Variants in SI observed in about 807,000 individuals in gnomAD.
SI encodes sucrase-isomaltase, intestinal.
In SI, 235 loss-of-function variants were observed where a neutral mutation model predicts 253.3. The ratio of observed to expected loss-of-function variants is 0.93; its 90% CI spans 0.83 to 1.03. The LOEUF (loss-of-function observed/expected upper bound fraction) is 1.03. Ranked by LOEUF, SI falls within the 50% of genes least tolerant of loss-of-function variation. SI has a pLI of 0.00. For missense variants in SI, 2,442 were observed against 2,211.1 expected, an observed-to-expected ratio of 1.10 and a Z score of -2.09; for synonymous variants, 819 against 712.0, an observed-to-expected ratio of 1.15 and a Z score of -2.39.
intron 37 of SI, among the ~76,000 whole-genome samples, chr3:165,000,292 A>G (rs1354331504): frequency 1.3e-5 from 2 of 151,336 alleles, no homozygotes; most frequent in Non-Finnish European, 1.5e-5. Flanking sequence ...ATAGCTGAAT[A>G]TATGCTTATC....
At chr3:165,060,142 T>C (rs1366269350) in intron 9 of SI, 115 bp from the exon 10 acceptor site, 3 of 913,692 alleles carry the variant, frequency 3.3e-6, no homozygotes, top group African/African-American at 3.4e-5. Flanking sequence ...TTTAAGTTTA[T>C]ATAATTTAAA....
chr3:165,070,302 T>C (rs900761811), intron 3 of SI, among the ~76,000 whole-genome samples: 2 of 144,556 alleles, frequency 1.4e-5, no homozygotes, highest in Admixed American at 7.1e-5. Flanking sequence ...TAATTATATA[T>C]GTATATATAC....
In SI at chr3:165,046,889, T is replaced by C; in HGVS notation, c.1839A>G (p.Glu613=). Residue 613 remains glutamate, a synonymous_variant, in exon 16 of 48, where the codon GAA becomes GAG. Transcript: ENST00000264382. ...ACTCCAGCATTCCAGTTATAGACCA[T>C]TCCATTTGTTCCCATGAAGCAGTAT... The part of the protein sequence containing the change: ...GDNTASWEQM[E]WSITGMLEFS... 6.2e-7 allele frequency: 1 copy of C among 1,613,336 alleles called. No individual in the cohort carries two copies. The highest frequency in any genetic ancestry group is 8.5e-7 in the Non-Finnish European group (1 of 1,179,542).
At chr3:165,013,426 T>C (rs1718864016) in intron 33 of SI, among the ~76,000 whole-genome samples, 1 of 152,088 alleles carries the variant, frequency 6.6e-6, no homozygotes. Flanking sequence ...AAACAATAAA[T>C]CTTTTTGTTT....
intron 15 of SI, 118 bp downstream of exon 15, chr3:165,049,009 A>T: frequency 1.5e-6 from 1 of 687,826 alleles, no homozygotes; most frequent in Non-Finnish European, 2.6e-6. Flanking sequence ...GCAGGCATAA[A>T]ATATTATCTT....
intron 45 of SI, among the ~76,000 whole-genome samples, chr3:164,986,259 T>C (rs1310732479): frequency 2.0e-5 from 3 of 152,148 alleles, no homozygotes; most frequent in African/African-American, 7.2e-5. Context: ...TCTCTAGTGA[T>C]AGAAACTAGA....
At position 165,023,613 on chromosome 3, in the gene SI, C is replaced by G. The variant is rs562524905; in HGVS notation, c.3056G>C (p.Arg1019Pro). Residue 1019 changes from arginine (R) to proline (P), a missense_variant, in exon 26 of 48, where the codon CGT (arginine) becomes CCT (proline). Arg to Pro is a moderately radical substitution (Grantham distance 103, BLOSUM62 -2). Transcript: ENST00000264382. ...ATTTTTGTGATATTTCACCTCCACACGAAGAGTTGAGATGGGGTCAGAAGG... is the reference window on the plus strand; with the variant it reads ...ATTTTTGTGATATTTCACCTCCACAGGAAGAGTTGAGATGGGGTCAGAAGG... ...KLPSDPISTL[R>P]VEVKYHKNDM... The G allele has an allele frequency of 1.2e-6, 2 of 1,610,694 alleles. No homozygotes were observed. Among genetic ancestry groups the G allele is most frequent in the Admixed American group, 3.4e-5 (2 of 59,644 alleles).
chr3:165,052,204 A>G, intron 13 of SI, among the ~76,000 whole-genome samples: 1 of 152,126 alleles, frequency 6.6e-6, no homozygotes, highest in East Asian at 1.9e-4. Context: ...AAGCATTTTA[A>G]TTCTCTAATT....
rs142018224 is a variant in SI at position 164,991,462 on chromosome 3, C to T, written c.4999G>A (p.Val1667Ile). 1.3e-4 allele frequency: 210 copies of T among 1,613,350 alleles called. 2 individuals are homozygous for T. The East Asian group carries it at 3.4e-3, about 26-fold the overall frequency. The change falls in exon 44 of 48, where the codon GTC becomes ATC. Residue 1667 changes from valine to isoleucine, a missense_variant. Transcript: ENST00000264382. ...TTAAATGTTTGAAATTGTCCTCTGA[C>T]GCCAATATCTTTGCCCTGGAAATGA... ...FDYHTGKDIG[V>I]RGQFQTFNAS...
chr3:165,032,744 G>T, intron 23 of SI, 52 bp from the exon 24 acceptor site: 1 of 1,234,444 alleles, frequency 8.1e-7, no homozygotes. Context: ...ATACAAACCT[G>T]AAATAACAAT....
At chr3:165,065,068 A>T (rs989530935) in intron 7 of SI, among the ~76,000 whole-genome samples, 193 bp downstream of exon 7, 20 of 152,002 alleles carry the variant, frequency 1.3e-4, no homozygotes, top group Non-Finnish European at 2.4e-4. Flanking sequence ...CCTTTACAAA[A>T]TCTGTTGGTC....
rs187532711 is a variant in SI, at chr3:164,983,004, G to T, written c.5245C>A (p.Gln1749Lys). 156 of 1,551,156 alleles carry T rather than the reference G, an allele frequency of 1.0e-4. 1 individual carries two copies. In the Admixed American group the frequency reaches 2.7e-3, roughly 27 times the overall value. The change falls in exon 46 of 48, where the codon CAG becomes AAG. Residue 1749 changes from glutamine (Q) to lysine (K), a missense_variant and splice_region_variant. Gln to Lys is a moderately conservative substitution (Grantham distance 53, BLOSUM62 1). Transcript: ENST00000264382. ...TGCATATAAATAATCTTACATACCTGGTTTAAATTAAATTGTACAGATAAA... is the reference window on the plus strand; with the variant it reads ...TGCATATAAATAATCTTACATACCTTGTTTAAATTAAATTGTACAGATAAA... Reference protein sequence around the residue: ...LYLSVQFNLNQTTLTSTILKR... With the variant: ...LYLSVQFNLNKTTLTSTILKR...
rs767865368 is a variant in SI, at chr3:165,012,967, G to GTAA, written c.4062+12_4062+13insTTA. 6.5e-7 allele frequency: 1 copy of GTAA among 1,531,582 alleles called. No homozygotes were observed. The highest frequency in any genetic ancestry group is 1.1e-5 in the South Asian group (1 of 89,314). 94.9% of individuals were successfully genotyped at this position (1,531,582 alleles called of 1,614,324 possible). A position where few individuals can be genotyped will look rare whatever the true frequency, so the allele number is the denominator to read the frequency against. ...TTTCTTCTCATTGTATAGTTAGCCC[G>GTAA]TGTAAAACTTACATTAACAGCTTCA... On this transcript the variant is annotated intron_variant, in intron 34 of 47. Transcript: ENST00000264382.
chr3:165,058,236 A>C (rs1440261007), intron 12 of SI, among the ~76,000 whole-genome samples: 1 of 152,086 alleles, frequency 6.6e-6, no homozygotes, highest in Non-Finnish European at 1.5e-5. Flanking sequence ...TGTTTTTAAA[A>C]CAAATGATAA....
At chr3:164,983,664 A>C (rs1426128830) in intron 45 of SI, among the ~76,000 whole-genome samples, 1 of 152,066 alleles carries the variant, frequency 6.6e-6, no homozygotes, top group Non-Finnish European at 1.5e-5. Context: ...ATCATGGCTC[A>C]CTACAGCCTG....
chr3:165,032,679 A>T lies in SI; in HGVS notation c.2579T>A (p.Ile860Asn). 2 of 1,597,264 alleles carry T rather than the reference A, an allele frequency of 1.3e-6. No individual in the cohort carries two copies. Among genetic ancestry groups the T allele is most frequent in the Middle Eastern group, 1.7e-4 (1 of 6,026 alleles). The change falls in exon 24 of 48, where the codon ATT becomes AAT. Residue 860 changes from isoleucine to asparagine, a missense_variant. Physicochemically the swap from Ile to Asn is moderately radical, Grantham distance 149. Coordinates refer to ENST00000264382, the MANE Select transcript of SI (RefSeq NM_001041.4). Reference protein sequence around the residue: ...TFSVSNNTLDIVCTHSSYQEG... With the variant: ...TFSVSNNTLDNVCTHSSYQEG... ...CTGATATGATGAATGTGTGCACACA[A>T]TATCTAATGTGTTCTGAGAAAAATA...
chr3:165,020,421 A>T (rs984183589), intron 27 of SI, among the ~76,000 whole-genome samples: 1 of 151,684 alleles, frequency 6.6e-6, no homozygotes, highest in Non-Finnish European at 1.5e-5. Context: ...GGCATATTTT[A>T]ACTTTTTATA....
chr3:165,037,089 A>G (rs758016448), intron 21 of SI, among the ~76,000 whole-genome samples: 2 of 151,868 alleles, frequency 1.3e-5, no homozygotes, highest in Admixed American at 6.6e-5. Flanking sequence ...GGTGTATAAC[A>G]ATTTTTTGAG....
chr3:165,018,876 T>A (rs1243014713), intron 28 of SI, among the ~76,000 whole-genome samples: 1 of 151,780 alleles, frequency 6.6e-6, no homozygotes, highest in South Asian at 2.1e-4. Flanking sequence ...TATTATGATA[T>A]AAATGCAAGC....
Sources: allele counts gnomAD v4.1 joint callset (sites outside exome capture counted in the v4.1 genomes callset), GRCh38; gene constraint gnomAD v4.1.1; transcripts MANE v1.5; gene names NCBI Gene and HGNC (gene_info 2026-07-23, HGNC 2026-07-21).